The following GPR39 variants were observed in gnomAD, a reference collection of about 807,000 sequenced individuals.
The protein encoded by GPR39 is G protein-coupled receptor 39, also known as zinc sensing receptor.
In GPR39, 23 loss-of-function variants were observed where a neutral mutation model predicts 18.4. The ratio of observed to expected loss-of-function variants is 1.25; its 90% confidence interval spans 0.90 to 1.77. The LOEUF (loss-of-function observed/expected upper bound fraction) is 1.77. Ranked by LOEUF, GPR39 falls within the 40% of genes most tolerant of loss-of-function variation. The probability of loss-of-function intolerance (pLI) is 0.00; values close to 1 mark genes in which losing one functional copy is unlikely to be tolerated. For missense variants in GPR39, 647 were observed against 602.4 expected, an observed-to-expected ratio of 1.07 and a Z score of -0.78; for synonymous variants, 280 against 257.9, an observed-to-expected ratio of 1.09 and a Z score of -0.82.
intron 1 of GPR39, among the ~76,000 whole-genome samples, chr2:132,520,583 A>G (rs1475097408): frequency 6.6e-6 from 1 of 152,248 alleles, no homozygotes; most frequent in Admixed American, 6.5e-5. Flanking sequence ...CTTCAGCCCA[A>G]TGCCTGCAGT....
chr2:132,520,158 TC>T (rs367731478), intron 1 of GPR39, among the ~76,000 whole-genome samples: 7 of 152,274 alleles, frequency 4.6e-5, no homozygotes, highest in African/African-American at 1.7e-4. Context: ...TTTGGCTTCT[TC>T]CCCACCAAAT....
chr2:132,582,098 G>A lies in GPR39; in HGVS notation c.857-63003G>A, dbSNP rs535704756. Among the ~76,000 whole-genome samples, 29 of 152,280 alleles carry A rather than the reference G, an allele frequency of 1.9e-4. No homozygotes were observed. The South Asian group carries it at 3.3e-3, about 17-fold the overall frequency. On this transcript the variant is annotated intron_variant, in intron 1 of 1. Coordinates refer to ENST00000329321, the MANE Select transcript of GPR39 (RefSeq NM_001508.3). ...AGGTGTGCTGGGGATGTGGCCAGCC[G>A]TCTGTCCTCAGGTCCTTTTAGACAC...
At chr2:132,453,019 T>C (rs1680657805) in intron 1 of GPR39, among the ~76,000 whole-genome samples, 1 of 152,218 alleles carries the variant, frequency 6.6e-6, no homozygotes, top group African/African-American at 2.4e-5. Flanking sequence ...CTGGGTCAAA[T>C]GGTAATTCTA....
At chr2:132,492,814 T>C (rs1399824856) in intron 1 of GPR39, among the ~76,000 whole-genome samples, 3 of 140,668 alleles carry the variant, frequency 2.1e-5, no homozygotes, top group Admixed American at 7.3e-5. Flanking sequence ...TATATATACA[T>C]ACCATATATA....
chr2:132,636,310 G>T (rs1681755156), intron 1 of GPR39, among the ~76,000 whole-genome samples: 1 of 152,202 alleles, frequency 6.6e-6, no homozygotes, highest in Non-Finnish European at 1.5e-5. Flanking sequence ...GCCTCCCCAG[G>T]TTGGGTTGGA....
chr2:132,454,505 C>T (rs573058118), intron 1 of GPR39, among the ~76,000 whole-genome samples: 15 of 152,142 alleles, frequency 9.9e-5, no homozygotes, highest in South Asian at 2.1e-4. Flanking sequence ...CTGGCCAGAA[C>T]GTCCAACACT....
intron 1 of GPR39, among the ~76,000 whole-genome samples, chr2:132,632,087 G>C (rs577947052): frequency 1.3e-4 from 20 of 152,036 alleles, no homozygotes; most frequent in Non-Finnish European, 2.8e-4. Flanking sequence ...CAAAGTGCTG[G>C]GATTATAGGT....
intron 1 of GPR39, among the ~76,000 whole-genome samples, chr2:132,483,665 A>G (rs906431680): frequency 2.0e-5 from 3 of 152,200 alleles, no homozygotes; most frequent in Non-Finnish European, 4.4e-5. Flanking sequence ...TCCAGGACAC[A>G]GTTGCTTTTC....
At chr2:132,572,348 T>C (rs1179586366) in intron 1 of GPR39, among the ~76,000 whole-genome samples, 1 of 152,058 alleles carries the variant, frequency 6.6e-6, no homozygotes, top group African/African-American at 2.4e-5. Context: ...TCCAGAGAAC[T>C]CTGGACAAGT....
At chr2:132,519,156 GAATTGGCTTATGGTCCCTGTCACCATCC>G (rs1348344536) in intron 1 of GPR39, among the ~76,000 whole-genome samples, 58 of 152,288 alleles carry the variant, frequency 3.8e-4, no homozygotes, top group Admixed American at 3.5e-3. Context: ...CAGTCTCTGT[GAATTGGCTTATGGTCCCTGTCACCATCC>G]ACCTCCCACA....
intron 1 of GPR39, among the ~76,000 whole-genome samples, chr2:132,439,409 G>A (rs905647338): frequency 1.3e-5 from 2 of 152,202 alleles, no homozygotes; most frequent in Non-Finnish European, 2.9e-5. Context: ...CTGTGAAGGA[G>A]GACAGATTAT....
intron 1 of GPR39, among the ~76,000 whole-genome samples, chr2:132,536,891 C>G (rs1679767806): frequency 6.6e-6 from 1 of 152,080 alleles, no homozygotes; most frequent in South Asian, 2.1e-4. Context: ...GATTGCAACC[C>G]CTGCTTTTTC....
intron 1 of GPR39, among the ~76,000 whole-genome samples, chr2:132,535,619 T>C (rs1679741263): frequency 6.6e-6 from 1 of 151,978 alleles, no homozygotes; most frequent in Non-Finnish European, 1.5e-5. Context: ...TTGTTTGGAA[T>C]AGTTTCAGAA....
chr2:132,541,739 C>A (rs1340775701), intron 1 of GPR39, among the ~76,000 whole-genome samples: 1 of 152,138 alleles, frequency 6.6e-6, no homozygotes, highest in East Asian at 1.9e-4. Flanking sequence ...GTTGGACAAG[C>A]CTTATGCATC....
chr2:132,538,210 T>C lies in GPR39; in HGVS notation c.857-106891T>C, dbSNP rs185278421. On this transcript the variant is annotated intron_variant, in intron 1 of 1. Transcript: ENST00000329321. ...ATCTACCTTTTATCTTTGAGGCTGA[T>C]GACCTTTAGATGAGGTTTTTGTATT... Among the ~76,000 whole-genome samples, 6 of 152,338 alleles carry C rather than the reference T, an allele frequency of 3.9e-5. No homozygotes were observed. The East Asian group carries it at 1.2e-3, about 29-fold the overall frequency.
intron 1 of GPR39, among the ~76,000 whole-genome samples, chr2:132,490,580 C>T (rs996244933): frequency 6.6e-6 from 1 of 151,914 alleles, no homozygotes; most frequent in Non-Finnish European, 1.5e-5. Flanking sequence ...GTACCTAGAG[C>T]ATGCCGATCG....
chr2:132,517,027 C>T (rs1289099810), intron 1 of GPR39, among the ~76,000 whole-genome samples: 1 of 152,008 alleles, frequency 6.6e-6, no homozygotes, highest in Non-Finnish European at 1.5e-5. Flanking sequence ...GGCTAATTAA[C>T]TAACTGTATA....
chr2:132,564,810 C>CTGTTTT (rs1680317130), intron 1 of GPR39, among the ~76,000 whole-genome samples: 1 of 95,440 alleles, frequency 1.0e-5, no homozygotes, highest in Non-Finnish European at 1.9e-5. Context: ...TTTCTTTTTT[C>CTGTTTT]TTTTTTTTTT....
rs956688055 is a variant in GPR39 at position 132,434,603 on chromosome 2, T to C, written c.856+16705T>C. On this transcript the variant is annotated intron_variant, in intron 1 of 1. Coordinates refer to ENST00000329321, the MANE Select transcript of GPR39 (RefSeq NM_001508.3). ...GGGCCATAAAGACCTTTAAGTCTCA[T>C]TACACGTGGTACTCTATGGAAAGGA... 2.0e-5 allele frequency among the ~76,000 whole-genome samples: 3 copies of C among 152,146 alleles called. No homozygotes were observed. The South Asian group carries it at 6.2e-4, about 32-fold the overall frequency.
Sources: gnomAD v4.1 joint callset for allele counts (sites outside exome capture counted in the v4.1 genomes callset) on GRCh38, gnomAD v4.1.1 for gene constraint, MANE v1.5 for transcripts, NCBI Gene and HGNC (gene_info 2026-07-23, HGNC 2026-07-21) for gene names.